The following PLCB4 variants were observed in gnomAD, a reference collection of about 807,000 sequenced individuals.
The protein encoded by PLCB4 is phospholipase C beta 4.
Under a neutral mutation model 178.8 loss-of-function variants are expected in PLCB4, and 77 were observed. The ratio of observed to expected loss-of-function variants is 0.43; its 90% CI spans 0.36 to 0.52. The LOEUF is 0.52. Ranked by LOEUF, PLCB4 falls within the 20% of genes least tolerant of loss-of-function variation. The pLI is 0.00. For missense variants in PLCB4, 1,024 were observed against 1,453.4 expected, an observed-to-expected ratio of 0.70 and a Z score of 4.80; for synonymous variants, 496 against 490.8, an observed-to-expected ratio of 1.01 and a Z score of -0.14.
At chr20:9,441,247 C>A in intron 30 of PLCB4, among the ~76,000 whole-genome samples, 1 of 152,004 alleles carries the variant, frequency 6.6e-6, no homozygotes, top group Admixed American at 6.6e-5. Flanking sequence ...GAGGTCTGTT[C>A]TTTTGTATGA....
intron 3 of PLCB4, among the ~76,000 whole-genome samples, chr20:9,247,870 C>T (rs1228083127): frequency 6.6e-6 from 1 of 152,118 alleles, no homozygotes; most frequent in African/African-American, 2.4e-5. Context: ...AATGCAGCCT[C>T]CATTTCCTCT....
chr20:9,437,736 C>A lies in PLCB4; in HGVS notation c.2764+584C>A, dbSNP rs73250487. Among the ~76,000 whole-genome samples, 1,007 of 152,208 alleles carry A rather than the reference C, an allele frequency of 6.6e-3. 14 individuals are homozygous for A. Among genetic ancestry groups the A allele is most frequent in the African/African-American group, 0.022 (908 of 41,546 alleles). On this transcript the variant is annotated intron_variant, in intron 30 of 39. Transcript: ENST00000378473. ...AATTCTGGGGTCATCCTGAGAAGGT[C>A]ATGGGAAATGAGTCAAAGGAGTATT...
chr20:9,338,140 TA>T, intron 6 of PLCB4, 73 bp downstream of exon 6: 2 of 980,716 alleles, frequency 2.0e-6, no homozygotes, highest in Non-Finnish European at 3.3e-6. Context: ...CTTCTAGAGA[TA>T]AAAAACTCAC....
At chr20:9,165,244 T>C (rs890484207) in intron 2 of PLCB4, among the ~76,000 whole-genome samples, 95 of 152,220 alleles carry the variant, frequency 6.2e-4, no homozygotes, top group Non-Finnish European at 5.3e-4. Context: ...GCAAAGCATA[T>C]ACTAAATATC....
At chr20:9,408,198 C>T in intron 22 of PLCB4, 140 bp downstream of exon 22, 1 of 702,144 alleles carries the variant, frequency 1.4e-6, no homozygotes, top group Non-Finnish European at 2.4e-6. Flanking sequence ...GTTTCACAGA[C>T]CATAGAAGCC....
At chr20:9,460,259 C>T (rs2043307157) in intron 35 of PLCB4, among the ~76,000 whole-genome samples, 2 of 152,328 alleles carry the variant, frequency 1.3e-5, no homozygotes, top group South Asian at 2.1e-4. Flanking sequence ...TCTACCTTTT[C>T]AGAGTGGTCA....
intron 3 of PLCB4, among the ~76,000 whole-genome samples, chr20:9,265,576 T>TA (rs2094341491): frequency 2.0e-5 from 3 of 152,122 alleles, no homozygotes; most frequent in Non-Finnish European, 1.5e-5. Flanking sequence ...AACAAAATAA[T>TA]AGAGTTCTGA....
intron 2 of PLCB4, among the ~76,000 whole-genome samples, chr20:9,121,375 T>A (rs954002139): frequency 6.6e-6 from 1 of 152,200 alleles, no homozygotes; most frequent in Admixed American, 6.5e-5. Context: ...GAACGCCGCT[T>A]ACGTGTCGTC....
At chr20:9,153,846 G>A (rs1400487340) in intron 2 of PLCB4, among the ~76,000 whole-genome samples, 1 of 152,110 alleles carries the variant, frequency 6.6e-6, no homozygotes, top group East Asian at 1.9e-4. Flanking sequence ...CCAAAATTTT[G>A]CAAACAAGGT....
intron 2 of PLCB4, among the ~76,000 whole-genome samples, chr20:9,148,869 C>A (rs1429336729): frequency 1.3e-5 from 2 of 152,184 alleles, no homozygotes; most frequent in African/African-American, 4.8e-5. Flanking sequence ...TCCTTTTAGA[C>A]ATCAGTTATT....
intron 33 of PLCB4, among the ~76,000 whole-genome samples, chr20:9,457,082 GT>G (rs2043102271): frequency 6.6e-6 from 1 of 152,146 alleles, no homozygotes; most frequent in African/African-American, 2.4e-5. Context: ...CTATTTTCCA[GT>G]TTTCATCCCA....
At chr20:9,416,220 A>AG (rs1004753955) in intron 25 of PLCB4, among the ~76,000 whole-genome samples, 1 of 152,126 alleles carries the variant, frequency 6.6e-6, no homozygotes, top group Admixed American at 6.5e-5. Flanking sequence ...CAGATTTGAA[A>AG]GGGGGGATGT....
intron 7 of PLCB4, among the ~76,000 whole-genome samples, chr20:9,346,029 C>T (rs77321692): frequency 0.05 from 7,580 of 152,244 alleles, 264 homozygotes; most frequent in Non-Finnish European, 0.076. Context: ...GCAAAGCCTC[C>T]AAGCCCTGCA....
intron 2 of PLCB4, among the ~76,000 whole-genome samples, chr20:9,102,904 T>G (rs1350444527): frequency 6.6e-6 from 1 of 152,326 alleles, no homozygotes; most frequent in South Asian, 2.1e-4. Context: ...AAATAGCTGC[T>G]TGGCTGTCAC....
At chr20:9,082,994 A>T (rs1304488563) in intron 1 of PLCB4, among the ~76,000 whole-genome samples, 1 of 152,194 alleles carries the variant, frequency 6.6e-6, no homozygotes, top group Non-Finnish European at 1.5e-5. Flanking sequence ...AACATGGCAG[A>T]CCAACAGGTT....
At chr20:9,236,815 G>A (rs2093998419) in intron 3 of PLCB4, among the ~76,000 whole-genome samples, 1 of 152,166 alleles carries the variant, frequency 6.6e-6, no homozygotes, top group Admixed American at 6.6e-5. Context: ...TAGGTTATGT[G>A]ATTTTGGATA....
intron 3 of PLCB4, among the ~76,000 whole-genome samples, chr20:9,265,043 GA>G (rs2094335325): frequency 6.6e-6 from 1 of 152,206 alleles, no homozygotes; most frequent in Non-Finnish European, 1.5e-5. Context: ...GCCCCATTGT[GA>G]TTTTGATAGA....
At chr20:9,464,824 C>T in intron 35 of PLCB4, among the ~76,000 whole-genome samples, 1 of 152,190 alleles carries the variant, frequency 6.6e-6, no homozygotes, top group African/African-American at 2.4e-5. Flanking sequence ...CAGGACCAGA[C>T]AGATTCACAG....
intron 28 of PLCB4, among the ~76,000 whole-genome samples, chr20:9,433,167 A>G (rs368090686): frequency 1.3e-5 from 2 of 152,318 alleles, no homozygotes; most frequent in South Asian, 4.1e-4. Context: ...ACCTCCTGCA[A>G]GCTGCCACCT....
Sources: allele counts gnomAD v4.1 joint callset (sites outside exome capture counted in the v4.1 genomes callset), GRCh38; gene constraint gnomAD v4.1.1; transcripts MANE v1.5; gene names NCBI Gene and HGNC (gene_info 2026-07-23, HGNC 2026-07-21).